Variants in CASZ1 observed in about 807,000 individuals in gnomAD.
CASZ1 encodes zinc finger protein castor homolog 1.
A neutral mutation model predicts 135.2 loss-of-function variants in CASZ1; 28 were observed. The observed-to-expected ratio is 0.21, with a 90% CI of 0.15 to 0.28. CASZ1 has a LOEUF of 0.28. Ranked by LOEUF, CASZ1 falls within the 10% of genes least tolerant of loss-of-function variation. The probability of loss-of-function intolerance (pLI) is 1.00; values close to 1 mark genes in which losing one functional copy is unlikely to be tolerated. For synonymous variants in CASZ1, 1,068 were observed against 1,073.4 expected, an observed-to-expected ratio of 0.99 and a Z score of 0.10; for missense variants, 2,161 against 2,453.3, an observed-to-expected ratio of 0.88 and a Z score of 2.52.
rs533892865 is a variant in CASZ1, at chr1:10,731,664, G to C, written c.-76-26120C>G. ...GGGGTTTACTGAAACAGTACACAAA[G>C]TTCATTGATGTGGTTTCAGATTCCA... On this transcript the variant is annotated intron_variant, in intron 2 of 20. Coordinates refer to ENST00000377022, the MANE Select transcript of CASZ1 (RefSeq NM_001079843.3). Among the ~76,000 whole-genome samples, 9 of 152,296 alleles carry C rather than the reference G, an allele frequency of 5.9e-5. No homozygotes were observed. The East Asian group carries it at 1.7e-3, about 29-fold the overall frequency.
chr1:10,760,414 C>A (rs562632594), intron 2 of CASZ1, among the ~76,000 whole-genome samples: 1 of 152,372 alleles, frequency 6.6e-6, no homozygotes, highest in South Asian at 2.1e-4. Context: ...GCCAGTTATG[C>A]TAACCTCTTC....
intron 2 of CASZ1, among the ~76,000 whole-genome samples, chr1:10,744,059 A>G (rs969802918): frequency 1.3e-5 from 2 of 151,086 alleles, no homozygotes; most frequent in Non-Finnish European, 3.0e-5. Flanking sequence ...AAACTCGGGC[A>G]CTCTCTCCCC....
Position 10,665,252 on chromosome 1 carries a change from C to T in CASZ1, c.336G>A (p.Glu112=), listed in dbSNP as rs1225029135. The change falls in exon 5 of 21, where the codon GAG becomes GAA. Residue 112 remains glutamate, a synonymous_variant. Coordinates refer to ENST00000377022, the MANE Select transcript of CASZ1 (RefSeq NM_001079843.3). The stretch of plus-strand genomic sequence containing the variant: ...CACCCTCGGGAGGCAGCTCCAGGCC[C>T]TCGCGGGCAATCCGCCCCAACACGG... ...PTPVLGRIAR[E]GLELPPEGVY... The T allele has an allele frequency of 6.2e-7, 1 of 1,606,906 alleles. No individual in the cohort carries two copies. The highest frequency in any genetic ancestry group is 1.7e-5 in the Admixed American group (1 of 59,594).
At chr1:10,692,663 T>G (rs879270253) in intron 4 of CASZ1, among the ~76,000 whole-genome samples, 59 of 151,958 alleles carry the variant, frequency 3.9e-4, no homozygotes, top group Non-Finnish European at 6.3e-4. Context: ...AAATGACACC[T>G]CCCCCCAACA....
chr1:10,740,811 AG>A (rs1639903130), intron 2 of CASZ1, among the ~76,000 whole-genome samples: 1 of 152,048 alleles, frequency 6.6e-6, no homozygotes, highest in South Asian at 2.1e-4. Context: ...TTTTAAAATT[AG>A]CTGGTTGCGG....
chr1:10,759,239 C>A lies in CASZ1; in HGVS notation c.-77+1462G>T, dbSNP rs1017478031. Among the ~76,000 whole-genome samples, 2 of 152,114 alleles carry A rather than the reference C, an allele frequency of 1.3e-5. No individual in the cohort carries two copies. The highest frequency in any genetic ancestry group is 4.8e-5 in the African/African-American group (2 of 41,416). ...GCTTGCATATATTTGAGCCTGCATC[C>A]CAGGATTCATGATCATCAGAGGAAG... On this transcript the variant is annotated intron_variant, in intron 2 of 20. Transcript: ENST00000377022. This position sits in a 1 kb window ranked among gnomAD's most constrained non-coding sequence, Gnocchi z 4.2.
chr1:10,686,736 G>A (rs1638604381), intron 4 of CASZ1, among the ~76,000 whole-genome samples: 1 of 152,240 alleles, frequency 6.6e-6, no homozygotes, highest in Admixed American at 6.5e-5. Flanking sequence ...ACCAGAAAAT[G>A]AGATGATTAA....
intron 4 of CASZ1, among the ~76,000 whole-genome samples, chr1:10,684,581 C>G (rs1359118745): frequency 2.6e-5 from 4 of 152,206 alleles, no homozygotes; most frequent in African/African-American, 9.7e-5. Context: ...CCAAACAGGG[C>G]TGACTAAGCC....
rs1179926629 is a variant in CASZ1, at chr1:10,640,035, G to T, written c.4187C>A (p.Ala1396Asp). ...AAGNTISMPTASGAKKRFWII... is the reference protein window; with the variant it reads ...AAGNTISMPTDSGAKKRFWII... ...CCAGAAGCGCTTTTTGGCCCCCGAGGCTGTCGGCATAGAGATGGTGTTCCC... is the reference window on the plus strand; with the variant it reads ...CCAGAAGCGCTTTTTGGCCCCCGAGTCTGTCGGCATAGAGATGGTGTTCCC... The change falls in exon 21 of 21, where the codon GCC becomes GAC. Residue 1396 changes from alanine (A) to aspartate (D), a missense_variant. Physicochemically the swap from Ala to Asp is moderately radical, Grantham distance 126. Coordinates refer to ENST00000377022, the MANE Select transcript of CASZ1 (RefSeq NM_001079843.3). 1 of 1,608,984 alleles carries T rather than the reference G, an allele frequency of 6.2e-7. No homozygotes were observed. Among genetic ancestry groups the T allele is most frequent in the African/African-American group, 1.3e-5 (1 of 74,946 alleles).
Position 10,702,985 on chromosome 1 carries a change from A to C in CASZ1, c.-24+2507T>G, listed in dbSNP as rs989990167. Among the ~76,000 whole-genome samples the C allele has an allele frequency of 1.1e-4, 16 of 151,366 alleles. No homozygotes were observed. In the East Asian group the frequency reaches 1.2e-3, roughly 11 times the overall value. On this transcript the variant is annotated intron_variant, in intron 3 of 20. Coordinates refer to ENST00000377022, the MANE Select transcript of CASZ1 (RefSeq NM_001079843.3). ...GGCAGAGAGAGAGAGAGAGAGAGAG[A>C]GCGCCATGGAGTTGTGGGGGTGCTA...
At chr1:10,667,873 C>T (rs778126058) in intron 4 of CASZ1, among the ~76,000 whole-genome samples, 3 of 146,432 alleles carry the variant, frequency 2.0e-5, no homozygotes, top group Non-Finnish European at 3.0e-5. Flanking sequence ...CTCCCCATCT[C>T]GGCTGTGTGC....
chr1:10,784,661 T>G (rs950449745), intron 1 of CASZ1, among the ~76,000 whole-genome samples: 1 of 152,164 alleles, frequency 6.6e-6, no homozygotes, highest in Non-Finnish European at 1.5e-5. Context: ...CCATCTGGGT[T>G]CAAACAATTC....
intron 1 of CASZ1, among the ~76,000 whole-genome samples, chr1:10,779,376 G>T (rs1332144677): frequency 6.8e-6 from 1 of 147,606 alleles, no homozygotes; most frequent in African/African-American, 2.5e-5. Flanking sequence ...CTGAGTCACC[G>T]ATACGCCTCA....
In CASZ1 at chr1:10,640,069, G is replaced by C; in HGVS notation, c.4163-10C>G. The stretch of plus-strand genomic sequence containing the variant: ...ATAGAGATGGTGTTCCCTGGGGAGG[G>C]GCAGGGAGGTCAGTGCAGAAGAGGG... On this transcript the variant is annotated splice_polypyrimidine_tract_variant and intron_variant, in intron 20 of 20. Coordinates refer to ENST00000377022, the MANE Select transcript of CASZ1 (RefSeq NM_001079843.3). 1.3e-6 allele frequency: 2 copies of C among 1,599,640 alleles called. No homozygotes were observed. Among genetic ancestry groups the C allele is most frequent in the Non-Finnish European group, 1.7e-6 (2 of 1,176,180 alleles).
Position 10,645,197 on chromosome 1 carries a change from T to A in CASZ1, c.3697-109A>T, listed in dbSNP as rs1184938369. On this transcript the variant is annotated intron_variant, in intron 17 of 20. Transcript: ENST00000377022. ...CCTTGGCACATGTGTTCTTCTCTGC[T>A]CAGAAGCTGATGATCATAGAAACAC... 3.2e-6 allele frequency: 3 copies of A among 931,670 alleles called. No homozygotes were observed. The East Asian group carries it at 7.4e-5, about 23-fold the overall frequency. 57.7% of individuals were successfully genotyped at this position (931,670 alleles called of 1,614,324 possible).
rs1369030078 is a variant in CASZ1, at chr1:10,694,684, G to GC, written c.-23-773dup. ...AGTGAATGGGCTCGCGCTCGCTCGC[G>GC]CCCCCGCCGCGCGCCCCCGCCGCGC... On this transcript the variant is annotated intron_variant, in intron 3 of 20. Coordinates refer to ENST00000377022, the MANE Select transcript of CASZ1 (RefSeq NM_001079843.3). This position sits in a 1 kb window ranked among gnomAD's most constrained non-coding sequence, Gnocchi z 6.6. 2.0e-3 allele frequency among the ~76,000 whole-genome samples: 243 copies of GC among 121,024 alleles called. 1 individual carries two copies. The highest frequency in any genetic ancestry group is 2.7e-3 in the African/African-American group (70 of 25,710). 79.4% of individuals were successfully genotyped at this position (121,024 alleles called of 152,430 possible).
chr1:10,718,849 TTACTGCC>T (rs1425517356), intron 2 of CASZ1, among the ~76,000 whole-genome samples: 4 of 152,226 alleles, frequency 2.6e-5, no homozygotes, highest in African/African-American at 9.6e-5. Flanking sequence ...ACAAGAGGAA[TTACTGCC>T]TCTTTCTTTT....
At position 10,669,007 on chromosome 1, in the gene CASZ1, G is replaced by A. The variant is rs548179563; in HGVS notation, c.17-3436C>T. On this transcript the variant is annotated intron_variant, in intron 4 of 20. Coordinates refer to ENST00000377022, the MANE Select transcript of CASZ1 (RefSeq NM_001079843.3). ...AGCCCCTCCTCGGATTCCTAGGTTC[G>A]GGACCTTCCCTCTCAGGGCGCCACG... 7.2e-5 allele frequency among the ~76,000 whole-genome samples: 11 copies of A among 152,302 alleles called. No individual in the cohort carries two copies. In the South Asian group the frequency reaches 1.2e-3, roughly 17 times the overall value.
chr1:10,654,167 G>A lies in CASZ1; in HGVS notation c.1890C>T (p.His630=). 1 of 1,614,246 alleles carries A rather than the reference G, an allele frequency of 6.2e-7. No individual in the cohort carries two copies. The highest frequency in any genetic ancestry group is 8.5e-7 in the Non-Finnish European group (1 of 1,180,038). The part of the protein sequence containing the change: ...TFKNKCDIEK[H]KSYHIKDDAY... ...CATCGTCCTTGATGTGGTAGCTCTT[G>A]TGCTTCTCGATGTCACACTTGTTCT... The change falls in exon 11 of 21, where the codon CAC becomes CAT. Residue 630 remains histidine (H), a synonymous_variant. Coordinates refer to ENST00000377022, the MANE Select transcript of CASZ1 (RefSeq NM_001079843.3).
Sources: gnomAD v4.1 joint callset for allele counts (sites outside exome capture counted in the v4.1 genomes callset) on GRCh38, gnomAD v4.1.1 for gene constraint, Gnocchi (gnomAD v3.1) non-coding constraint, MANE v1.5 for transcripts, NCBI Gene and HGNC (gene_info 2026-07-23, HGNC 2026-07-21) for gene names.